Variants in EYA4 observed in about 807,000 individuals in gnomAD.
EYA4 encodes EYA transcriptional coactivator and phosphatase 4, also known as protein phosphatase EYA4.
A neutral mutation model predicts 87.9 loss-of-function variants in EYA4; 31 were observed. That is an observed-to-expected ratio of 0.35 (90% CI 0.27 to 0.48). The LOEUF (loss-of-function observed/expected upper bound fraction) is 0.48. EYA4 is among the 20% of genes least tolerant of loss of function. The probability of loss-of-function intolerance (pLI) is 0.99; values close to 1 mark genes in which losing one functional copy is unlikely to be tolerated. For missense variants in EYA4, 678 were observed against 761.4 expected, an observed-to-expected ratio of 0.89 and a Z score of 1.29; for synonymous variants, 263 against 270.6, an observed-to-expected ratio of 0.97 and a Z score of 0.28.
intron 14 of EYA4, among the ~76,000 whole-genome samples, chr6:133,508,693 A>G (rs917569361): frequency 6.6e-6 from 1 of 152,176 alleles, no homozygotes; most frequent in Non-Finnish European, 1.5e-5. Context: ...TGAAAGTAGC[A>G]TATAATGAAT....
intron 3 of EYA4, among the ~76,000 whole-genome samples, chr6:133,390,198 G>T (rs1787133458): frequency 6.6e-6 from 1 of 151,992 alleles, no homozygotes. Context: ...GCTACCTGTT[G>T]TCCACTCTCC....
At chr6:133,348,073 A>T (rs1221989556) in intron 2 of EYA4, among the ~76,000 whole-genome samples, 1 of 152,148 alleles carries the variant, frequency 6.6e-6, no homozygotes, top group Non-Finnish European at 1.5e-5. Context: ...TTTAAAAATC[A>T]GTTCCTTCCA....
chr6:133,431,362 G>A (rs1791167789), intron 3 of EYA4, among the ~76,000 whole-genome samples: 1 of 152,090 alleles, frequency 6.6e-6, no homozygotes, highest in Non-Finnish European at 1.5e-5. Context: ...GTGTGGCTTG[G>A]GGAGATAAAG....
At chr6:133,465,043 A>G (rs568621195) in intron 10 of EYA4, among the ~76,000 whole-genome samples, 185 bp downstream of exon 10, 1 of 152,060 alleles carries the variant, frequency 6.6e-6, no homozygotes, top group South Asian at 2.1e-4. Context: ...TATTCTGGCT[A>G]TTTTAGATTT....
At position 133,356,779 on chromosome 6, in the gene EYA4, GTGTGTGTGTGTGTA is replaced by G. The variant is rs1265597535; in HGVS notation, c.34-25611_34-25598del. 1.1e-4 allele frequency among the ~76,000 whole-genome samples: 16 copies of G among 140,424 alleles called. No individual in the cohort carries two copies. In the East Asian group the frequency reaches 2.4e-3, roughly 21 times the overall value. The allele number at this position is 140,424 out of a possible 152,430, so 92.1% of individuals were successfully genotyped here. Reference sequence around the variant, plus strand: ...TGTGTGTGTGTGTGTGTGTGTGTGTGTGTGTGTGTGTGTATATATATATTTTATTTTTATTTTTT... The same window carrying G: ...TGTGTGTGTGTGTGTGTGTGTGTGTGTATATATATTTTATTTTTATTTTTT... On this transcript the variant is annotated intron_variant, in intron 2 of 19. Coordinates refer to ENST00000355286, the MANE Select transcript of EYA4 (RefSeq NM_004100.5).
intron 2 of EYA4, 76 bp from the exon 3 acceptor site, chr6:133,382,316 C>G (rs1786291119): frequency 9.8e-7 from 1 of 1,015,604 alleles, no homozygotes; most frequent in Admixed American, 1.7e-5. Flanking sequence ...AGAGCTATAT[C>G]CGCTTTAATA....
intron 13 of EYA4, among the ~76,000 whole-genome samples, chr6:133,496,353 A>AT (rs1204827736): frequency 6.6e-6 from 1 of 152,158 alleles, no homozygotes; most frequent in South Asian, 2.1e-4. Flanking sequence ...TAGCATAGTG[A>AT]TTTTTTTGAT....
chr6:133,527,964 A>G (rs190304263), intron 19 of EYA4, among the ~76,000 whole-genome samples: 2 of 152,184 alleles, frequency 1.3e-5, no homozygotes, highest in Non-Finnish European at 2.9e-5. Flanking sequence ...ACTCCCTTTC[A>G]TGAAATTTTA....
At chr6:133,474,922 T>C (rs1193026175) in intron 11 of EYA4, among the ~76,000 whole-genome samples, 2 of 152,124 alleles carry the variant, frequency 1.3e-5, no homozygotes, top group Non-Finnish European at 2.9e-5. Context: ...ACATACCTTA[T>C]GTTCAATAAG....
rs114876182 is a variant in EYA4, at chr6:133,328,700, T to C, written c.34-53692T>C. Reference sequence around the variant, plus strand: ...TATTTTGTATGGATAGACAAATAGATACAAACAAACAAACAAAAAAACCAG... The same window carrying C: ...TATTTTGTATGGATAGACAAATAGACACAAACAAACAAACAAAAAAACCAG... On this transcript the variant is annotated intron_variant, in intron 2 of 19. Transcript: ENST00000355286. Among the ~76,000 whole-genome samples, 353 of 131,130 alleles carry C rather than the reference T, an allele frequency of 2.7e-3. 1 individual carries two copies. Among genetic ancestry groups the C allele is most frequent in the African/African-American group, 8.9e-3 (340 of 38,272 alleles). 86.0% of individuals were successfully genotyped at this position (131,130 alleles called of 152,430 possible).
intron 13 of EYA4, 31 bp downstream of exon 13, chr6:133,483,146 A>C (rs1239993895): frequency 6.5e-7 from 1 of 1,534,908 alleles, no homozygotes; most frequent in Admixed American, 1.7e-5. Context: ...ACTCCAAGAA[A>C]TCTTGTTAAA....
intron 18 of EYA4, among the ~76,000 whole-genome samples, chr6:133,524,391 C>T (rs1339175409): frequency 6.6e-6 from 1 of 152,156 alleles, no homozygotes; most frequent in Non-Finnish European, 1.5e-5. Context: ...GCCATGGCTG[C>T]ATGAACATTC....
chr6:133,307,768 C>A (rs1235893975), intron 2 of EYA4, among the ~76,000 whole-genome samples: 1 of 152,086 alleles, frequency 6.6e-6, no homozygotes, highest in Non-Finnish European at 1.5e-5. Flanking sequence ...TTATAATTCC[C>A]ATTTTACCCG....
chr6:133,510,318 G>T, intron 14 of EYA4: 1 of 157,970 alleles, frequency 6.3e-6, no homozygotes, highest in East Asian at 1.7e-4. Flanking sequence ...TTATTTACAT[G>T]TGGAAAGATT....
chr6:133,339,063 A>C (rs1006586889), intron 2 of EYA4, among the ~76,000 whole-genome samples: 5 of 152,162 alleles, frequency 3.3e-5, no homozygotes, highest in Non-Finnish European at 7.3e-5. Context: ...TAAGGAAAGC[A>C]TGTGCTGTGT....
At chr6:133,361,544 G>A (rs1348720035) in intron 2 of EYA4, among the ~76,000 whole-genome samples, 5 of 152,146 alleles carry the variant, frequency 3.3e-5, no homozygotes, top group African/African-American at 1.2e-4. Flanking sequence ...GTGAAATTGT[G>A]GCAGGCTAAC....
At chr6:133,449,016 C>T (rs915343163) in intron 5 of EYA4, among the ~76,000 whole-genome samples, 1 of 152,154 alleles carries the variant, frequency 6.6e-6, no homozygotes, top group Non-Finnish European at 1.5e-5. Context: ...TCAATATGCT[C>T]ATTATTTGTA....
At chr6:133,321,101 C>T (rs1022229726) in intron 2 of EYA4, among the ~76,000 whole-genome samples, 7 of 152,150 alleles carry the variant, frequency 4.6e-5, no homozygotes, top group African/African-American at 1.7e-4. Flanking sequence ...ATGAATGACA[C>T]GTTGTTGCTA....
chr6:133,445,094 T>G (rs1792681970), intron 3 of EYA4, among the ~76,000 whole-genome samples: 1 of 152,204 alleles, frequency 6.6e-6, no homozygotes, highest in Non-Finnish European at 1.5e-5. Context: ...TGGGTTTTTG[T>G]TATACCTGAT....
Sources: allele counts gnomAD v4.1 joint callset (sites outside exome capture counted in the v4.1 genomes callset), GRCh38; gene constraint gnomAD v4.1.1; transcripts MANE v1.5; gene names NCBI Gene and HGNC (gene_info 2026-07-23, HGNC 2026-07-21).